Variants in PTCD2 observed in about 807,000 individuals in gnomAD.
The protein encoded by PTCD2 is pentatricopeptide repeat-containing protein 2, mitochondrial.
PTCD2 carries 31 observed loss-of-function variants against 42.6 expected under a neutral mutation model. The ratio of observed to expected loss-of-function variants is 0.73; its 90% confidence interval spans 0.55 to 0.98. PTCD2 has a LOEUF of 0.98. Ranked by LOEUF, PTCD2 falls within the 50% of genes least tolerant of loss-of-function variation. The pLI, the probability that PTCD2 is intolerant of heterozygous loss-of-function variation, is 0.00. For missense variants in PTCD2, 476 were observed against 454.8 expected, an observed-to-expected ratio of 1.05 and a Z score of -0.42; for synonymous variants, 183 against 170.9, an observed-to-expected ratio of 1.07 and a Z score of -0.55.
intron 2 of PTCD2, 141 bp from the exon 3 acceptor site, chr5:72,326,471 G>C: frequency 1.2e-6 from 1 of 805,976 alleles, no homozygotes; most frequent in Non-Finnish European, 2.0e-6. Context: ...ATTGGCCAGT[G>C]ATGGCAGCTG....
At chr5:72,325,104 G>A (rs928488767) in intron 2 of PTCD2, among the ~76,000 whole-genome samples, 4 of 152,026 alleles carry the variant, frequency 2.6e-5, no homozygotes, top group Admixed American at 6.5e-5. Context: ...TGTATTTTTG[G>A]TAGAGACGGG....
intron 1 of PTCD2, chr5:72,320,780 C>G (rs1750789225): frequency 2.2e-6 from 1 of 458,240 alleles, no homozygotes; most frequent in African/African-American, 2.0e-5. Context: ...CAGGAACATC[C>G]CTCCCGCCTT....
At chr5:72,345,510 G>T (rs938703099) in intron 8 of PTCD2, among the ~76,000 whole-genome samples, 1 of 152,188 alleles carries the variant, frequency 6.6e-6, no homozygotes, top group Non-Finnish European at 1.5e-5. Flanking sequence ...AATCACAAGG[G>T]TATTGATTGG....
intron 1 of PTCD2, 65 bp from the exon 2 acceptor site, chr5:72,322,107 C>A: frequency 1.2e-6 from 1 of 810,752 alleles, no homozygotes; most frequent in Non-Finnish European, 2.2e-6. Context: ...CAGCTCTATT[C>A]ATGTTATTTG....
intron 5 of PTCD2, chr5:72,335,558 C>A: frequency 2.6e-6 from 1 of 387,652 alleles, no homozygotes. Context: ...ATCCCTTAAA[C>A]TAAATATCCC....
intron 8 of PTCD2, among the ~76,000 whole-genome samples, chr5:72,343,824 G>A (rs569335780): frequency 9.2e-5 from 14 of 152,196 alleles, no homozygotes; most frequent in African/African-American, 3.4e-4. Flanking sequence ...TTGTTATTAA[G>A]GACACCATAG....
Position 72,352,697 on chromosome 5 carries a change from T to C in PTCD2, c.885T>C (p.Asn295=). 1 of 1,606,088 alleles carries C rather than the reference T, an allele frequency of 6.2e-7. No individual in the cohort carries two copies. The highest frequency in any genetic ancestry group is 8.5e-7 in the Non-Finnish European group (1 of 1,173,020). Reference sequence around the variant, plus strand: ...AAAACCTGATAAAGACTCTAAAAAATGCTGCAGAAGGAAATTTATCAAAAT... The same window carrying C: ...AAAACCTGATAAAGACTCTAAAAAACGCTGCAGAAGGAAATTTATCAAAAT... The part of the protein sequence containing the change: ...MLENLIKTLK[N]AAEGNLSKFV... Residue 295 remains asparagine (N), a synonymous_variant, in exon 9 of 10, where the codon AAT becomes AAC. Coordinates refer to ENST00000380639, the MANE Select transcript of PTCD2 (RefSeq NM_024754.5).
At chr5:72,332,246 G>A (rs1259263040) in intron 4 of PTCD2, among the ~76,000 whole-genome samples, 1 of 152,140 alleles carries the variant, frequency 6.6e-6, no homozygotes, top group Non-Finnish European at 1.5e-5. Context: ...TGTACATGGT[G>A]GGCATGTTAA....
chr5:72,326,836 C>G, intron 3 of PTCD2, 95 bp downstream of exon 3: 1 of 1,255,472 alleles, frequency 8.0e-7, no homozygotes, highest in Non-Finnish European at 1.1e-6. Flanking sequence ...GTTGCCACCT[C>G]TATACTAGTG....
chr5:72,345,671 G>A (rs1752323718), intron 8 of PTCD2, among the ~76,000 whole-genome samples: 1 of 152,198 alleles, frequency 6.6e-6, no homozygotes, highest in African/African-American at 2.4e-5. Flanking sequence ...CATGGCTTCA[G>A]CCAGTCCCTC....
chr5:72,355,896 A>G (rs1197529734), intron 9 of PTCD2, among the ~76,000 whole-genome samples: 1 of 152,162 alleles, frequency 6.6e-6, no homozygotes, highest in Non-Finnish European at 1.5e-5. Context: ...CTGAGACAGC[A>G]GGATTGGCAC....
Position 72,352,694 on chromosome 5 carries a change from A to C in PTCD2, c.882A>C (p.Lys294Asn). 2 of 1,606,294 alleles carry C rather than the reference A, an allele frequency of 1.2e-6. No homozygotes were observed. Among genetic ancestry groups the C allele is most frequent in the Non-Finnish European group, 1.7e-6 (2 of 1,173,146 alleles). ...NMLENLIKTL[K>N]NAAEGNLSKF... ...TGGAAAACCTGATAAAGACTCTAAA[A>C]AATGCTGCAGAAGGAAATTTATCAA... The change falls in exon 9 of 10, where the codon AAA (lysine) becomes AAC (asparagine). Residue 294 changes from lysine to asparagine, a missense_variant. Physicochemically the swap from Lys to Asn is moderately conservative, Grantham distance 94. Transcript: ENST00000380639.
rs146420375 is a variant in PTCD2 at position 72,356,927 on chromosome 5, C to T, written c.943-1276C>T. On this transcript the variant is annotated intron_variant, in intron 9 of 9. Transcript: ENST00000380639. ...AAGGATTTATTAGGAAGCTTGATCC[C>T]AATTAAATTCCATCAAGAAATGTGT... Among the ~76,000 whole-genome samples, 314 of 152,218 alleles carry T rather than the reference C, an allele frequency of 2.1e-3. 3 individuals carry two copies. The highest frequency in any genetic ancestry group is 0.018 in the Admixed American group (274 of 15,274).
At position 72,358,986 on chromosome 5, in the gene PTCD2, G is replaced by T; in HGVS notation, c.*559G>T. ...TGAAATCTTCATTCAAGGTTTAGTAGGATCATATTTTCTCAAAAATAAGAG... is the reference window on the plus strand; with the variant it reads ...TGAAATCTTCATTCAAGGTTTAGTATGATCATATTTTCTCAAAAATAAGAG... On this transcript the variant is annotated 3_prime_UTR_variant, in exon 10 of 10. Coordinates refer to ENST00000380639, the MANE Select transcript of PTCD2 (RefSeq NM_024754.5). 6.5e-6 allele frequency: 1 copy of T among 152,864 alleles called. No individual in the cohort carries two copies. The highest frequency in any genetic ancestry group is 1.5e-5 in the Non-Finnish European group (1 of 68,536). 9.5% of individuals were successfully genotyped at this position (152,864 alleles called of 1,614,324 possible). A position where few individuals can be genotyped will look rare whatever the true frequency, so the allele number is the denominator to read the frequency against.
At chr5:72,334,004 T>C (rs1417460130) in intron 4 of PTCD2, among the ~76,000 whole-genome samples, 1 of 152,114 alleles carries the variant, frequency 6.6e-6, no homozygotes, top group Non-Finnish European at 1.5e-5. Context: ...ATTCCAGCCT[T>C]GTGCCACCAC....
Position 72,322,283 on chromosome 5 carries a change from T to C in PTCD2, c.220+19T>C. 1 of 1,389,398 alleles carries C rather than the reference T, an allele frequency of 7.2e-7. No individual in the cohort carries two copies. Among genetic ancestry groups the C allele is most frequent in the Non-Finnish European group, 1.0e-6 (1 of 977,950 alleles). The allele number at this position is 1,389,398 out of a possible 1,614,324, so 86.1% of individuals were successfully genotyped here. On this transcript the variant is annotated intron_variant, in intron 2 of 9. Transcript: ENST00000380639. ...ACTAAAGGTAATAGAATCTATTTTG[T>C]TAATTCTGTCATTTATCTGTCATTT...
At chr5:72,350,738 T>TC (rs1752583044) in intron 8 of PTCD2, among the ~76,000 whole-genome samples, 1 of 152,204 alleles carries the variant, frequency 6.6e-6, no homozygotes, top group African/African-American at 2.4e-5. Context: ...CTCATCCTGA[T>TC]AAGTTACTCA....
intron 7 of PTCD2, 84 bp from the exon 8 acceptor site, chr5:72,342,878 G>A: frequency 2.8e-6 from 2 of 726,818 alleles, no homozygotes; most frequent in Admixed American, 5.3e-5. Flanking sequence ...ACCTTAATAG[G>A]AATATACTGC....
chr5:72,336,873 A>G (rs1449248221), intron 6 of PTCD2, among the ~76,000 whole-genome samples: 1 of 152,200 alleles, frequency 6.6e-6, no homozygotes, highest in African/African-American at 2.4e-5. Context: ...AACTTTGGAA[A>G]CCTGGCACAC....
Sources: gnomAD v4.1 joint callset for allele counts (sites outside exome capture counted in the v4.1 genomes callset) on GRCh38, gnomAD v4.1.1 for gene constraint, MANE v1.5 for transcripts, NCBI Gene and HGNC (gene_info 2026-07-23, HGNC 2026-07-21) for gene names.